The following HPSE2 variants were observed in gnomAD, a reference collection of about 807,000 sequenced individuals.
HPSE2 encodes inactive heparanase-2.
In HPSE2, 38 loss-of-function variants were observed where a neutral mutation model predicts 60.5. The ratio of observed to expected loss-of-function variants is 0.63; its 90% CI spans 0.48 to 0.82. HPSE2 has a LOEUF of 0.82. Among genes scored for constraint, HPSE2 ranks in the 40% least tolerant of loss-of-function variants. HPSE2 has a pLI of 0.00. For missense variants in HPSE2, 713 were observed against 740.4 expected, an observed-to-expected ratio of 0.96 and a Z score of 0.43; for synonymous variants, 295 against 293.2, an observed-to-expected ratio of 1.01 and a Z score of -0.06.
At chr10:98,879,566 AT>A (rs113360913) in intron 3 of HPSE2, among the ~76,000 whole-genome samples, 6 of 151,426 alleles carry the variant, frequency 4.0e-5, no homozygotes, top group Admixed American at 6.6e-5. Flanking sequence ...ATTTTGAAGG[AT>A]TTTTTTTTCC....
intron 6 of HPSE2, among the ~76,000 whole-genome samples, chr10:98,687,237 G>A (rs938897835): frequency 5.9e-5 from 9 of 152,148 alleles, no homozygotes; most frequent in African/African-American, 2.2e-4. Context: ...GTATGTGGAA[G>A]GCTATCTTTC....
chr10:98,479,887 T>C (rs949110271), intron 11 of HPSE2, among the ~76,000 whole-genome samples: 2 of 152,238 alleles, frequency 1.3e-5, no homozygotes, highest in Non-Finnish European at 2.9e-5. Flanking sequence ...TTGAGTCTCA[T>C]AATAATCCCA....
chr10:99,127,396 C>T (rs1845204076), intron 3 of HPSE2, among the ~76,000 whole-genome samples: 1 of 152,122 alleles, frequency 6.6e-6, no homozygotes, highest in Non-Finnish European at 1.5e-5. Flanking sequence ...GAAGAAAGAA[C>T]TTCAGAGCTC....
intron 3 of HPSE2, among the ~76,000 whole-genome samples, chr10:98,746,707 A>G (rs976146321): frequency 4.6e-5 from 7 of 152,008 alleles, no homozygotes; most frequent in African/African-American, 1.7e-4. Context: ...ACTTGCATTT[A>G]CCATACCTCA....
intron 9 of HPSE2, among the ~76,000 whole-genome samples, chr10:98,603,299 C>A (rs956609118): frequency 1.1e-4 from 16 of 152,154 alleles, no homozygotes; most frequent in African/African-American, 3.1e-4. Context: ...ATTGGGAAAA[C>A]CCCCATATTT....
chr10:98,725,273 A>G (rs548771817), intron 4 of HPSE2, among the ~76,000 whole-genome samples: 10 of 152,292 alleles, frequency 6.6e-5, no homozygotes, highest in African/African-American at 2.2e-4. Flanking sequence ...ACAGCATGGT[A>G]CTGGTACCAA....
intron 9 of HPSE2, among the ~76,000 whole-genome samples, chr10:98,574,974 G>A (rs1944602314): frequency 6.6e-6 from 1 of 152,044 alleles, no homozygotes. Flanking sequence ...GGGGAAAGGG[G>A]GACATTTTGT....
At chr10:98,812,532 G>A (rs1951192452) in intron 3 of HPSE2, among the ~76,000 whole-genome samples, 1 of 152,130 alleles carries the variant, frequency 6.6e-6, no homozygotes, top group African/African-American at 2.4e-5. Flanking sequence ...GCTCTGTAAA[G>A]CAGCACTGCC....
At chr10:99,107,630 C>A (rs897406949) in intron 3 of HPSE2, among the ~76,000 whole-genome samples, 2 of 152,276 alleles carry the variant, frequency 1.3e-5, no homozygotes, top group African/African-American at 4.8e-5. Context: ...AAATCAAGAA[C>A]ATATATTCAA....
intron 3 of HPSE2, among the ~76,000 whole-genome samples, chr10:98,824,643 T>G (rs906400739): frequency 6.6e-6 from 1 of 152,246 alleles, no homozygotes; most frequent in Non-Finnish European, 1.5e-5. Context: ...TTTAGTTACA[T>G]TCTGCTTATC....
intron 9 of HPSE2, among the ~76,000 whole-genome samples, chr10:98,579,432 G>A (rs573312448): frequency 6.6e-6 from 1 of 152,252 alleles, no homozygotes; most frequent in South Asian, 2.1e-4. Flanking sequence ...GACTTGCCAA[G>A]GTAGTGCTCT....
chr10:98,518,867 G>A (rs111410024), intron 9 of HPSE2, among the ~76,000 whole-genome samples: 1,911 of 152,192 alleles, frequency 0.013, 37 homozygotes, highest in African/African-American at 0.042. Context: ...TTCTGTAAAC[G>A]CCTGCACAAT....
At chr10:98,892,496 T>A (rs1189538984) in intron 3 of HPSE2, among the ~76,000 whole-genome samples, 2 of 152,106 alleles carry the variant, frequency 1.3e-5, no homozygotes, top group Non-Finnish European at 2.9e-5. Flanking sequence ...GCAAAAGAAA[T>A]AAATCCAGAA....
chr10:98,913,396 G>A (rs1345020743), intron 3 of HPSE2, among the ~76,000 whole-genome samples: 3 of 152,150 alleles, frequency 2.0e-5, no homozygotes, highest in Non-Finnish European at 2.9e-5. Context: ...TGTTGAGATC[G>A]ATTACAGGAC....
intron 3 of HPSE2, among the ~76,000 whole-genome samples, chr10:99,024,197 T>C (rs1957327126): frequency 6.6e-6 from 1 of 152,020 alleles, no homozygotes; most frequent in South Asian, 2.1e-4. Context: ...AAAATGCAAT[T>C]GGTATACTGA....
intron 6 of HPSE2, among the ~76,000 whole-genome samples, chr10:98,642,259 T>G (rs1039588977): frequency 6.6e-6 from 1 of 152,166 alleles, no homozygotes; most frequent in Non-Finnish European, 1.5e-5. Context: ...TTTTTCCCCT[T>G]GAGAAAGTAA....
intron 3 of HPSE2, among the ~76,000 whole-genome samples, chr10:99,043,732 C>G (rs931117804): frequency 6.6e-6 from 1 of 151,994 alleles, no homozygotes; most frequent in Non-Finnish European, 1.5e-5. Context: ...CAATCAGAAG[C>G]ATTAATAGTA....
intron 2 of HPSE2, among the ~76,000 whole-genome samples, chr10:99,181,565 G>A: frequency 6.6e-6 from 1 of 152,188 alleles, no homozygotes; most frequent in African/African-American, 2.4e-5. Context: ...AAAAGGATGA[G>A]TTCATGTCCT....
intron 2 of HPSE2, among the ~76,000 whole-genome samples, chr10:99,157,547 A>T (rs1206195577): frequency 7.7e-6 from 1 of 129,428 alleles, no homozygotes; most frequent in Admixed American, 8.8e-5. Context: ...CTGGCTAGCC[A>T]TATGTAGAAA....
Sources: gnomAD v4.1 joint callset for allele counts (sites outside exome capture counted in the v4.1 genomes callset) on GRCh38, gnomAD v4.1.1 for gene constraint, MANE v1.5 for transcripts, NCBI Gene and HGNC (gene_info 2026-07-23, HGNC 2026-07-21) for gene names.